Variants in MICU3 observed in about 807,000 individuals in gnomAD.
The protein encoded by MICU3 is mitochondrial calcium uptake 3.
Under a neutral mutation model 66.5 loss-of-function variants are expected in MICU3, and 62 were observed. That is an observed-to-expected ratio of 0.93 (90% CI 0.76 to 1.15). MICU3 has a LOEUF of 1.15. Among genes scored for constraint, MICU3 ranks in the 50% most tolerant of loss-of-function variants. The probability of loss-of-function intolerance (pLI) is 0.00; values close to 1 mark genes in which losing one functional copy is unlikely to be tolerated. For synonymous variants in MICU3, 308 were observed against 240.7 expected, an observed-to-expected ratio of 1.28 and a Z score of -2.59; for missense variants, 779 against 664.4, an observed-to-expected ratio of 1.17 and a Z score of -1.90.
At chr8:17,129,495 C>T in the MICU3 span, among the ~76,000 whole-genome samples, 67 of 152,044 alleles carry the variant, frequency 4.4e-4, no homozygotes, top group African/African-American at 1.6e-3. Context: ...TTGAAAAATA[C>T]AATACTTGAA....
intron 1 of MICU3, among the ~76,000 whole-genome samples, chr8:17,046,302 C>A (rs1815071810): frequency 1.3e-5 from 2 of 152,170 alleles, no homozygotes; most frequent in Admixed American, 6.5e-5. Flanking sequence ...TGCTGCAGAA[C>A]TGATTGATTG....
intron 1 of MICU3, among the ~76,000 whole-genome samples, chr8:17,034,171 G>C (rs1221307325): frequency 6.6e-6 from 1 of 152,138 alleles, no homozygotes; most frequent in Non-Finnish European, 1.5e-5. Flanking sequence ...TATGCTACCT[G>C]TGTTATGTTA....
chr8:17,084,453 TATC>T (rs141344900), intron 5 of MICU3, among the ~76,000 whole-genome samples: 5,973 of 152,096 alleles, frequency 0.039, 417 homozygotes, highest in African/African-American at 0.14. Flanking sequence ...GTAGCAAATG[TATC>T]TGTGGGGGGT....
intron 9 of MICU3, chr8:17,102,726 C>T (rs1476018294): frequency 6.6e-6 from 1 of 151,950 alleles, no homozygotes; most frequent in African/African-American, 2.4e-5. Flanking sequence ...GCATTTAAAA[C>T]ATAGTATGTG....
chr8:17,029,324 A>C (rs1450130737), intron 1 of MICU3, among the ~76,000 whole-genome samples: 1 of 152,206 alleles, frequency 6.6e-6, no homozygotes, highest in Non-Finnish European at 1.5e-5. Context: ...AAAAATACAA[A>C]AATCAGCCGG....
chr8:17,038,979 T>G (rs1422086913), intron 1 of MICU3, among the ~76,000 whole-genome samples: 2 of 149,906 alleles, frequency 1.3e-5, no homozygotes, highest in Admixed American at 6.6e-5. Context: ...AAATAAATAA[T>G]AAATAAATAA....
chr8:17,134,167 C>T, the MICU3 span: 25 of 152,242 alleles, frequency 1.6e-4, 1 homozygote, highest in African/African-American at 5.1e-4. Context: ...ATGGGATGTA[C>T]ATAAAGAGAT....
intron 6 of MICU3, 25 bp from the exon 7 acceptor site, chr8:17,086,939 G>C (rs1799536032): frequency 6.6e-7 from 1 of 1,504,988 alleles, no homozygotes; most frequent in Non-Finnish European, 9.2e-7. Context: ...TTGGATATTT[G>C]ATTCTTGATT....
At chr8:17,092,350 A>T (rs1472250229) in intron 8 of MICU3, among the ~76,000 whole-genome samples, 1 of 152,038 alleles carries the variant, frequency 6.6e-6, no homozygotes, top group Non-Finnish European at 1.5e-5. Flanking sequence ...AGATCCTAAT[A>T]TTGCTCTAGT....
At chr8:17,079,116 A>G (rs1463637528) in intron 4 of MICU3, among the ~76,000 whole-genome samples, 2 of 150,960 alleles carry the variant, frequency 1.3e-5, no homozygotes, top group Non-Finnish European at 2.9e-5. Flanking sequence ...AGGTTTAGGC[A>G]TATCCTAATC....
intron 3 of MICU3, 145 bp downstream of exon 3, chr8:17,069,864 C>CT (rs1317229014): frequency 4.1e-6 from 1 of 246,396 alleles, no homozygotes. Context: ...ATCAGAGTTC[C>CT]TTTTTTTATC....
chr8:17,116,494 A>G lies in MICU3; in HGVS notation c.1418A>G (p.His473Arg). The change falls in exon 13 of 15, where the codon CAT becomes CGT. Residue 473 changes from histidine to arginine, a missense_variant. His to Arg is a conservative substitution (Grantham distance 29, BLOSUM62 0). Coordinates refer to ENST00000318063, the MANE Select transcript of MICU3 (RefSeq NM_181723.3). ...YVATGLKFSP[H>R]LVNTVFKIFD... ...GCTACTGGACTCAAATTTTCACCAC[A>G]TTTAGTGAACACTGTCTTCAAGATT... is the stretch of plus-strand genomic sequence containing the variant. The G allele has an allele frequency of 6.4e-7, 1 of 1,557,206 alleles. No individual in the cohort carries two copies. Among genetic ancestry groups the G allele is most frequent in the Non-Finnish European group, 8.6e-7 (1 of 1,158,914 alleles).
At chr8:17,137,268 T>C in the MICU3 span, among the ~76,000 whole-genome samples, 1,502 of 152,182 alleles carry the variant, frequency 9.9e-3, 32 homozygotes, top group African/African-American at 0.033. Context: ...TCAGTGATTC[T>C]ACATAGGAGT....
chr8:17,109,761 T>G (rs1802036311), intron 11 of MICU3, among the ~76,000 whole-genome samples: 1 of 152,122 alleles, frequency 6.6e-6, no homozygotes, highest in Non-Finnish European at 1.5e-5. Context: ...ATTTTTAAAA[T>G]GCCATGGGAC....
chr8:17,060,044 A>G (rs995896150), intron 1 of MICU3, among the ~76,000 whole-genome samples: 1 of 152,226 alleles, frequency 6.6e-6, no homozygotes, highest in Non-Finnish European at 1.5e-5. Flanking sequence ...TGACAGGTAC[A>G]GTGTTGTTTT....
intron 1 of MICU3, among the ~76,000 whole-genome samples, chr8:17,037,283 G>T (rs1267554166): frequency 6.6e-6 from 1 of 152,184 alleles, no homozygotes; most frequent in African/African-American, 2.4e-5. Flanking sequence ...GCGGCGGGCC[G>T]AAGAGCTCCT....
At chr8:17,032,708 G>A (rs1043814427) in intron 1 of MICU3, among the ~76,000 whole-genome samples, 1 of 152,130 alleles carries the variant, frequency 6.6e-6, no homozygotes, top group Non-Finnish European at 1.5e-5. Context: ...ACAGGCATAC[G>A]TTTTGCCGTG....
chr8:17,029,467 ACTCC>A (rs1811636434), intron 1 of MICU3, among the ~76,000 whole-genome samples: 1 of 151,830 alleles, frequency 6.6e-6, no homozygotes, highest in Non-Finnish European at 1.5e-5. Context: ...CAAGAGCGAA[ACTCC>A]ATCTCAAAAA....
intron 1 of MICU3, among the ~76,000 whole-genome samples, chr8:17,036,948 C>T (rs184598663): frequency 0.04 from 6,115 of 152,346 alleles, 454 homozygotes; most frequent in African/African-American, 0.14. Context: ...GCTGCAGGTC[C>T]CGAGTCCTGC....
Sources: allele counts gnomAD v4.1 joint callset (sites outside exome capture counted in the v4.1 genomes callset), GRCh38; gene constraint gnomAD v4.1.1; transcripts MANE v1.5; gene names NCBI Gene and HGNC (gene_info 2026-07-23, HGNC 2026-07-21).